Variants in ANKRD6 observed in about 807,000 individuals in gnomAD.
The protein encoded by ANKRD6 is ankyrin repeat domain-containing protein 6.
A neutral mutation model predicts 82.3 loss-of-function variants in ANKRD6; 56 were observed. That is an observed-to-expected ratio of 0.68 (90% CI 0.55 to 0.85). The LOEUF (loss-of-function observed/expected upper bound fraction) is 0.85, where lower values mean the gene tolerates loss of function less well. Ranked by LOEUF, ANKRD6 falls within the 40% of genes least tolerant of loss-of-function variation. The probability of loss-of-function intolerance (pLI) is 0.00; values close to 1 mark genes in which losing one functional copy is unlikely to be tolerated. For missense variants in ANKRD6, 852 were observed against 907.6 expected (o/e 0.94, Z 0.79); for synonymous variants, 347 against 352.1 (o/e 0.99, Z 0.16).
chr6:89,472,617 A>G (rs1775607819), intron 1 of ANKRD6, among the ~76,000 whole-genome samples: 1 of 152,186 alleles, frequency 6.6e-6, no homozygotes, highest in Non-Finnish European at 1.5e-5. Flanking sequence ...GAACGCTTAT[A>G]GAAGTTCTTG....
In ANKRD6 at chr6:89,630,091, G is replaced by A. The variant is rs148392212; in HGVS notation, c.1613-342G>A. ...ATCTGCTTTGAGATACTTGGTGAGC[G>A]GCATCATCCTTAGGCATCAGGAAAC... is the stretch of plus-strand genomic sequence containing the variant. On this transcript the variant is annotated intron_variant, in intron 15 of 15. Coordinates refer to ENST00000339746, the MANE Select transcript of ANKRD6 (RefSeq NM_001242809.2). Among the ~76,000 whole-genome samples the A allele has an allele frequency of 1.7e-4, 26 of 152,268 alleles. No individual in the cohort carries two copies. The East Asian group carries it at 4.6e-3, about 27-fold the overall frequency.
intron 1 of ANKRD6, among the ~76,000 whole-genome samples, chr6:89,547,794 T>A (rs1785300440): frequency 6.6e-6 from 1 of 152,202 alleles, no homozygotes; most frequent in African/African-American, 2.4e-5. Context: ...AGCCAGCTGC[T>A]ACCATTTCTG....
intron 14 of ANKRD6, chr6:89,628,134 G>T (rs1436698104): frequency 5.8e-6 from 1 of 172,316 alleles, no homozygotes; most frequent in Non-Finnish European, 1.3e-5. Context: ...TGGTTTTGGG[G>T]GTTGAGTTTA....
chr6:89,612,539 G>A lies in ANKRD6; in HGVS notation c.516+169G>A, dbSNP rs184319411. ...GGCAATTTTCTAAGGGATCATTCAG[G>A]CATGTGAGAAGAAGAATCAAAAGAC... On this transcript the variant is annotated intron_variant, in intron 6 of 15. Coordinates refer to ENST00000339746, the MANE Select transcript of ANKRD6 (RefSeq NM_001242809.2). Among the ~76,000 whole-genome samples, 294 of 152,264 alleles carry A rather than the reference G, an allele frequency of 1.9e-3. 1 individual carries two copies. The highest frequency in any genetic ancestry group is 4.7e-3 in the Admixed American group (72 of 15,294).
chr6:89,470,646 C>T (rs1392680714), intron 1 of ANKRD6, among the ~76,000 whole-genome samples: 1 of 148,028 alleles, frequency 6.8e-6, no homozygotes, highest in Non-Finnish European at 1.5e-5. Context: ...TGATGATGTA[C>T]TCCCCCTTTA....
At chr6:89,627,101 G>GTC (rs1024932035) in intron 13 of ANKRD6, among the ~76,000 whole-genome samples, 2 of 150,512 alleles carry the variant, frequency 1.3e-5, no homozygotes, top group Non-Finnish European at 3.0e-5. Flanking sequence ...GATATTCAGA[G>GTC]TCTCTCTCTC....
intron 1 of ANKRD6, among the ~76,000 whole-genome samples, chr6:89,519,984 T>G (rs890048042): frequency 1.3e-5 from 2 of 152,156 alleles, no homozygotes; most frequent in African/African-American, 4.8e-5. Context: ...TTGGTACCTC[T>G]TTTCATTTCC....
rs370442469 is a variant in ANKRD6 at position 89,512,331 on chromosome 6, C to A, written c.-143-54503C>A. ...AAAACATCCAGTAGAGAGGTTGGGT[C>A]TCCTGATGAACAAAGGAAAGTTTGC... On this transcript the variant is annotated intron_variant, in intron 1 of 15. Coordinates refer to ENST00000339746, the MANE Select transcript of ANKRD6 (RefSeq NM_001242809.2). Among the ~76,000 whole-genome samples the A allele has an allele frequency of 1.3e-3, 194 of 152,340 alleles. 2 individuals carry two copies. The South Asian group carries it at 0.039, about 31-fold the overall frequency.
intron 3 of ANKRD6, 184 bp from the exon 4 acceptor site, chr6:89,602,845 G>T (rs188586115): frequency 7.4e-6 from 4 of 538,328 alleles, no homozygotes; most frequent in Non-Finnish European, 1.3e-5. Context: ...CTCTGCCAGC[G>T]TGCGTTGTCT....
chr6:89,448,436 GAAAA>G (rs71024376), intron 1 of ANKRD6, among the ~76,000 whole-genome samples: 2 of 144,508 alleles, frequency 1.4e-5, no homozygotes, highest in African/African-American at 5.1e-5. Flanking sequence ...TGTCAAAAAA[GAAAA>G]AAAAAAAAAG....
intron 1 of ANKRD6, among the ~76,000 whole-genome samples, chr6:89,442,362 G>A (rs539432696): frequency 3.3e-5 from 5 of 152,094 alleles, no homozygotes; most frequent in Non-Finnish European, 7.4e-5. Context: ...GGTGGCTCAC[G>A]CCTATAGTCC....
rs184264927 is a variant in ANKRD6 at position 89,624,276 on chromosome 6, A to C, written c.1218+219A>C. Among the ~76,000 whole-genome samples, 9 of 152,288 alleles carry C rather than the reference A, an allele frequency of 5.9e-5. No individual in the cohort carries two copies. The East Asian group carries it at 1.4e-3, about 23-fold the overall frequency. On this transcript the variant is annotated intron_variant, in intron 12 of 15. Transcript: ENST00000339746. ...TGTGTAGCTGCAGAGCTTGCTGCAC[A>C]ATCCTCAGGTGACTAGGTATCTTGA... is the stretch of plus-strand genomic sequence containing the variant.
chr6:89,509,944 G>C (rs1046323497), intron 1 of ANKRD6, among the ~76,000 whole-genome samples: 12 of 152,322 alleles, frequency 7.9e-5, no homozygotes, highest in African/African-American at 2.9e-4. Flanking sequence ...GCTGTTTACT[G>C]GCTTTTCAAA....
Position 89,564,090 on chromosome 6 carries a change from T to G in ANKRD6, c.-143-2744T>G, listed in dbSNP as rs555842927. ...GCGATTACTGGGCTTAAATTGAAAA[T>G]GAGTTTGAGATGTCCAAGCACATAG... On this transcript the variant is annotated intron_variant, in intron 1 of 15. Coordinates refer to ENST00000339746, the MANE Select transcript of ANKRD6 (RefSeq NM_001242809.2). Among the ~76,000 whole-genome samples, 5 of 152,134 alleles carry G rather than the reference T, an allele frequency of 3.3e-5. No homozygotes were observed. In the East Asian group the frequency reaches 9.7e-4, roughly 29 times the overall value.
intron 2 of ANKRD6, among the ~76,000 whole-genome samples, chr6:89,590,020 A>T (rs955769365): frequency 3.3e-5 from 5 of 152,194 alleles, no homozygotes; most frequent in African/African-American, 1.2e-4. Flanking sequence ...AGTGGTGATA[A>T]CCTCCAGCCA....
At chr6:89,455,883 T>TC (rs1367479662) in intron 1 of ANKRD6, among the ~76,000 whole-genome samples, 8 of 149,728 alleles carry the variant, frequency 5.3e-5, no homozygotes, top group East Asian at 1.9e-4. Flanking sequence ...TCTCTCTCTC[T>TC]TTTTTTTTTC....
Position 89,624,660 on chromosome 6 carries a change from TG to T in ANKRD6, c.1344del (p.Gln449ArgfsTer16). On this transcript the variant is annotated frameshift_variant, in exon 13 of 16. Transcript: ENST00000339746. LOFTEE classifies it high-confidence loss of function. ...GTTCAGGACAAAATGAATACAAAGC[TG>T]GGGCAGATGGAGAATAAGACCCAGC... is the stretch of plus-strand genomic sequence containing the variant. Reference protein sequence around the residue: ...GSVQDKMNTKLGQMENKTQHQ... With the variant: ...GSVQDKMNTKXGQMENKTQHQ... 6.2e-7 allele frequency: 1 copy of T among 1,600,314 alleles called. No individual in the cohort carries two copies. Among genetic ancestry groups the T allele is most frequent in the Non-Finnish European group, 8.5e-7 (1 of 1,173,252 alleles).
chr6:89,541,331 G>C (rs1031446345), intron 1 of ANKRD6, among the ~76,000 whole-genome samples: 1 of 146,804 alleles, frequency 6.8e-6, no homozygotes, highest in Non-Finnish European at 1.5e-5. Context: ...TTTCATTATA[G>C]AGATCTTTCA....
intron 1 of ANKRD6, among the ~76,000 whole-genome samples, chr6:89,469,176 C>A (rs542489009): frequency 2.6e-5 from 4 of 152,212 alleles, no homozygotes; most frequent in African/African-American, 9.7e-5. Flanking sequence ...ATAATCAACT[C>A]AATCTTGTCT....
Sources: gnomAD v4.1 joint callset for allele counts (sites outside exome capture counted in the v4.1 genomes callset) on GRCh38, gnomAD v4.1.1 for gene constraint, MANE v1.5 for transcripts, NCBI Gene and HGNC (gene_info 2026-07-23, HGNC 2026-07-21) for gene names.